THSD7B: variants seen among roughly 807,000 people sequenced by gnomAD.
THSD7B encodes thrombospondin type 1 domain containing 7B.
THSD7B carries 138 observed loss-of-function variants against 213.6 expected under a neutral mutation model. The observed-to-expected ratio is 0.65, with a 90% CI of 0.56 to 0.74. THSD7B has a LOEUF of 0.74. Among genes scored for constraint, THSD7B ranks in the 30% least tolerant of loss-of-function variants. The pLI is 0.00. For synonymous variants in THSD7B, 742 were observed against 687.0 expected (o/e 1.08, Z -1.25); for missense variants, 1,931 against 1,991.5 (o/e 0.97, Z 0.58).
chr2:137,260,950 C>A (rs1181736394), intron 10 of THSD7B, among the ~76,000 whole-genome samples: 9 of 151,972 alleles, frequency 5.9e-5, no homozygotes, highest in Non-Finnish European at 2.9e-5. Flanking sequence ...TTTACTAATG[C>A]CTACCAGGTT....
intron 3 of THSD7B, among the ~76,000 whole-genome samples, chr2:137,073,109 C>A (rs1215304617): frequency 6.6e-6 from 1 of 152,232 alleles, no homozygotes; most frequent in African/African-American, 2.4e-5. Context: ...CAGGATGATG[C>A]TGGCCTCATA....
At chr2:137,455,995 C>T (rs1466667431) in intron 15 of THSD7B, among the ~76,000 whole-genome samples, 1 of 152,122 alleles carries the variant, frequency 6.6e-6, no homozygotes, top group Non-Finnish European at 1.5e-5. Flanking sequence ...AGCACATGTT[C>T]AGTATGTTTG....
intron 2 of THSD7B, among the ~76,000 whole-genome samples, chr2:136,923,163 G>A (rs1197554799): frequency 4.6e-5 from 7 of 152,118 alleles, no homozygotes; most frequent in Non-Finnish European, 1.0e-4. Flanking sequence ...TTCTGTTTCT[G>A]TGATTTTGAC....
chr2:136,970,793 A>G lies in THSD7B; in HGVS notation c.140-85627A>G, dbSNP rs548205002. ...TAAAGAGAACATTTTAAAATCTTTC[A>G]AAAAGAAAGAAAGAGAGTGAAAAAT... On this transcript the variant is annotated intron_variant, in intron 2 of 27. Transcript: ENST00000409968. 2.0e-5 allele frequency among the ~76,000 whole-genome samples: 3 copies of G among 152,172 alleles called. 1 individual carries two copies. The highest frequency in any genetic ancestry group is 4.4e-5 in the Non-Finnish European group (3 of 68,028).
intron 2 of THSD7B, among the ~76,000 whole-genome samples, chr2:136,930,579 A>C (rs1684610960): frequency 6.6e-6 from 1 of 152,250 alleles, no homozygotes; most frequent in African/African-American, 2.4e-5. Flanking sequence ...AGTGGTACCC[A>C]GCTAGAAAAT....
intron 15 of THSD7B, among the ~76,000 whole-genome samples, chr2:137,532,213 T>C (rs1249851798): frequency 1.3e-5 from 2 of 151,952 alleles, no homozygotes; most frequent in Non-Finnish European, 2.9e-5. Context: ...GGGAATTCAG[T>C]AGAGCCATCT....
chr2:136,863,306 A>T (rs1683283615), intron 1 of THSD7B, among the ~76,000 whole-genome samples: 1 of 152,190 alleles, frequency 6.6e-6, no homozygotes. Flanking sequence ...TGCATTCTGC[A>T]TTTGTCACTA....
intron 7 of THSD7B, among the ~76,000 whole-genome samples, chr2:137,220,546 T>C (rs1681345539): frequency 6.6e-6 from 1 of 152,218 alleles, no homozygotes; most frequent in African/African-American, 2.4e-5. Flanking sequence ...CCAAGTGCTA[T>C]TAAGGGTGTA....
At chr2:137,642,757 A>T (rs1682963747) in intron 21 of THSD7B, 124 bp downstream of exon 21, 6 of 1,154,460 alleles carry the variant, frequency 5.2e-6, no homozygotes, top group Middle Eastern at 2.6e-4. Context: ...TGTATTTTTA[A>T]TGCAATGCAG....
intron 12 of THSD7B, among the ~76,000 whole-genome samples, chr2:137,364,141 C>T (rs1465273695): frequency 6.6e-6 from 1 of 152,172 alleles, no homozygotes; most frequent in Non-Finnish European, 1.5e-5. Flanking sequence ...AGACAAAAGC[C>T]ACATGATTAT....
intron 2 of THSD7B, among the ~76,000 whole-genome samples, chr2:137,048,537 G>C (rs1481642617): frequency 2.6e-5 from 4 of 152,100 alleles, no homozygotes; most frequent in Non-Finnish European, 5.9e-5. Context: ...ATATTGTCTT[G>C]GGTATGCTCT....
intron 17 of THSD7B, among the ~76,000 whole-genome samples, chr2:137,601,131 TAAAA>T (rs939761063): frequency 6.6e-6 from 1 of 152,144 alleles, no homozygotes; most frequent in Non-Finnish European, 1.5e-5. Context: ...GTTTATAAAA[TAAAA>T]AAGTTACAGT....
intron 15 of THSD7B, among the ~76,000 whole-genome samples, chr2:137,499,599 A>G (rs1432246030): frequency 6.6e-6 from 1 of 152,198 alleles, no homozygotes; most frequent in Non-Finnish European, 1.5e-5. Context: ...CAACACTGAA[A>G]GGTTTTCATA....
intron 2 of THSD7B, among the ~76,000 whole-genome samples, chr2:136,932,778 G>A (rs933269871): frequency 1.3e-5 from 2 of 152,010 alleles, no homozygotes; most frequent in African/African-American, 4.8e-5. Flanking sequence ...ACATATAAGC[G>A]GACCTGTGCA....
chr2:136,902,379 G>T (rs547203961), intron 2 of THSD7B, among the ~76,000 whole-genome samples: 181 of 152,276 alleles, frequency 1.2e-3, no homozygotes, highest in African/African-American at 4.2e-3. Flanking sequence ...ATATATTTAA[G>T]CCAATGTTTT....
intron 2 of THSD7B, among the ~76,000 whole-genome samples, chr2:137,030,803 A>G (rs1211742990): frequency 6.6e-6 from 1 of 152,128 alleles, no homozygotes; most frequent in Non-Finnish European, 1.5e-5. Flanking sequence ...GAGGGATGAA[A>G]AACTACCTAT....
At chr2:137,329,987 G>A (rs1684461112) in intron 12 of THSD7B, among the ~76,000 whole-genome samples, 1 of 152,204 alleles carries the variant, frequency 6.6e-6, no homozygotes, top group Non-Finnish European at 1.5e-5. Flanking sequence ...CATCTCAGCT[G>A]CTCCAGGCAT....
Position 137,396,121 on chromosome 2 carries a change from G to A in THSD7B, c.2501-9492G>A, listed in dbSNP as rs1415051208. On this transcript the variant is annotated intron_variant, in intron 12 of 27. Coordinates refer to ENST00000409968, the MANE Select transcript of THSD7B (RefSeq NM_001316349.2). ...GATCCTTTCAAAAAACCAGCTCCTG[G>A]ATTCATTAATTTTTTGAAGGGTTTT... Among the ~76,000 whole-genome samples the A allele has an allele frequency of 3.4e-5, 5 of 147,746 alleles. No individual in the cohort carries two copies. The East Asian group carries it at 1.0e-3, about 30-fold the overall frequency.
intron 7 of THSD7B, among the ~76,000 whole-genome samples, chr2:137,209,202 G>T (rs1306655408): frequency 6.6e-6 from 1 of 151,980 alleles, no homozygotes; most frequent in East Asian, 1.9e-4. Flanking sequence ...TTGCAAAGGT[G>T]GTTTCAATTG....
Sources: allele counts gnomAD v4.1 joint callset (sites outside exome capture counted in the v4.1 genomes callset), GRCh38; gene constraint gnomAD v4.1.1; transcripts MANE v1.5; gene names NCBI Gene and HGNC (gene_info 2026-07-23, HGNC 2026-07-21).